Variants in SFI1 observed in about 807,000 individuals in gnomAD.
SFI1 encodes the protein SFI1 centrin binding protein.
Under a neutral mutation model 207.5 loss-of-function variants are expected in SFI1, and 195 were observed. The ratio of observed to expected loss-of-function variants is 0.94; its 90% CI spans 0.84 to 1.06. SFI1 has a LOEUF of 1.06. Ranked by LOEUF, SFI1 falls within the 50% of genes least tolerant of loss-of-function variation. The probability of loss-of-function intolerance (pLI) is 0.00; values close to 1 mark genes in which losing one functional copy is unlikely to be tolerated. For missense variants in SFI1, 1,634 were observed against 1,588.0 expected (o/e 1.03, Z -0.49); for synonymous variants, 630 against 598.9 (o/e 1.05, Z -0.76).
At chr22:31,570,914 C>G (rs2062878777) in intron 8 of SFI1, among the ~76,000 whole-genome samples, 1 of 152,158 alleles carries the variant, frequency 6.6e-6, no homozygotes, top group Non-Finnish European at 1.5e-5. Flanking sequence ...TCAGACACTT[C>G]TGGCAGGTCA....
chr22:31,538,851 A>G (rs1357920434), intron 4 of SFI1, among the ~76,000 whole-genome samples: 1 of 152,110 alleles, frequency 6.6e-6, no homozygotes, highest in Non-Finnish European at 1.5e-5. Flanking sequence ...GCTGCCTCAC[A>G]ACCAAAATCT....
Position 31,611,261 on chromosome 22 carries a change from G to A in SFI1, c.2373G>A (p.Leu791=). The A allele has an allele frequency of 1.2e-6, 2 of 1,612,524 alleles. No homozygotes were observed. Among genetic ancestry groups the A allele is most frequent in the Non-Finnish European group, 1.7e-6 (2 of 1,179,296 alleles). ...ACCGGCAGCTGCTGCTGGAGGGGCT[G>A]GCCCGGTGGAAGACGCACCATCTGC... The part of the protein sequence containing the change: ...HHHRQLLLEG[L]ARWKTHHLQC... Residue 791 remains leucine, a synonymous_variant, in exon 23 of 33, where the codon CTG becomes CTA. Transcript: ENST00000400288.
intron 4 of SFI1, among the ~76,000 whole-genome samples, chr22:31,538,103 C>T (rs979446781): frequency 6.6e-6 from 1 of 152,114 alleles, no homozygotes; most frequent in Non-Finnish European, 1.5e-5. Context: ...TGCCAAGTAG[C>T]TGGGACCACA....
intron 27 of SFI1, chr22:31,614,063 T>C: frequency 1.5e-6 from 1 of 648,916 alleles, no homozygotes; most frequent in Admixed American, 3.1e-5. Context: ...CCAAACCCTC[T>C]CTCCTTTGCC....
At chr22:31,613,034 G>T (rs561815806) in intron 24 of SFI1, 108 bp from the exon 25 acceptor site, 2 of 1,173,346 alleles carry the variant, frequency 1.7e-6, no homozygotes, top group Non-Finnish European at 2.4e-6. Flanking sequence ...GGAAGTGGGA[G>T]CCTCGACTAG....
Position 31,538,999 on chromosome 22 carries a change from C to A in SFI1, c.339-7862C>A, listed in dbSNP as rs140371125. ...CCGAAACTGAAATCGTCATCCTCCC[C>A]CTCTCAGTGAGTGGAAACTCCATCC... is the stretch of plus-strand genomic sequence containing the variant. On this transcript the variant is annotated intron_variant, in intron 4 of 32. Transcript: ENST00000400288. Among the ~76,000 whole-genome samples, 28 of 152,292 alleles carry A rather than the reference C, an allele frequency of 1.8e-4. No homozygotes were observed. In the East Asian group the frequency reaches 5.2e-3, roughly 28 times the overall value.
At chr22:31,529,151 G>A (rs924734478) in intron 3 of SFI1, 1 of 319,184 alleles carries the variant, frequency 3.1e-6, no homozygotes, top group Non-Finnish European at 5.7e-6. Context: ...ACTCTTTTTT[G>A]CTATTCTTTT....
intron 15 of SFI1, among the ~76,000 whole-genome samples, chr22:31,595,220 A>G (rs1032259956): frequency 1.3e-4 from 19 of 151,376 alleles, no homozygotes; most frequent in African/African-American, 4.1e-4. Context: ...CTGGTCTCGA[A>G]CTCCTGACCT....
chr22:31,517,204 C>T (rs2056652923), intron 2 of SFI1, among the ~76,000 whole-genome samples: 1 of 151,838 alleles, frequency 6.6e-6, no homozygotes, highest in South Asian at 2.1e-4. Flanking sequence ...TATGTGTTCT[C>T]TCAGGTTTAA....
chr22:31,527,093 C>T (rs1245207995), intron 2 of SFI1, among the ~76,000 whole-genome samples: 4 of 152,232 alleles, frequency 2.6e-5, no homozygotes, highest in South Asian at 2.1e-4. Flanking sequence ...GACGGGATTT[C>T]GCCATGTTGG....
chr22:31,606,116 A>C, intron 20 of SFI1: 1 of 568,646 alleles, frequency 1.8e-6, no homozygotes, highest in East Asian at 3.0e-5. Context: ...TGGGTCCCTC[A>C]TGCACTCTTG....
At position 31,533,831 on chromosome 22, in the gene SFI1, G is replaced by C. The variant is rs959095629; in HGVS notation, c.338+2702G>C. ...GAATTGATCTAAATTGCTATTGTCA[G>C]AATTCTCTCTTTTTTGTTTAATTTA... On this transcript the variant is annotated intron_variant, in intron 4 of 32. Coordinates refer to ENST00000400288, the MANE Select transcript of SFI1 (RefSeq NM_001007467.3). Among the ~76,000 whole-genome samples the C allele has an allele frequency of 3.4e-5, 3 of 87,696 alleles. No individual in the cohort carries two copies. In the East Asian group the frequency reaches 8.2e-4, roughly 24 times the overall value. The allele number at this position is 87,696 out of a possible 152,430, so 57.5% of individuals were successfully genotyped here. A position where few individuals can be genotyped will look rare whatever the true frequency, so the allele number is the denominator to read the frequency against.
intron 22 of SFI1, among the ~76,000 whole-genome samples, chr22:31,609,220 G>A (rs2069625864): frequency 1.3e-5 from 2 of 152,024 alleles, no homozygotes; most frequent in Non-Finnish European, 2.9e-5. Flanking sequence ...GGATGGTCTC[G>A]ATCTCCTCAC....
chr22:31,613,140 A>G lies in SFI1; in HGVS notation c.2491-2A>G. The G allele has an allele frequency of 6.2e-7, 1 of 1,613,248 alleles. No individual in the cohort carries two copies. Among genetic ancestry groups the G allele is most frequent in the South Asian group, 1.1e-5 (1 of 91,074 alleles). ...GAAATGATCTGGTCTTTCTGGCCCT[A>G]GCTGGCAGCCAGGAGGCAGGAGCAG... On this transcript the variant is annotated splice_acceptor_variant, in intron 24 of 32. Transcript: ENST00000400288. LOFTEE classifies it high-confidence loss of function.
At chr22:31,501,275 C>A (rs2053724162) in intron 1 of SFI1, among the ~76,000 whole-genome samples, 1 of 151,130 alleles carries the variant, frequency 6.6e-6, no homozygotes, top group Non-Finnish European at 1.5e-5. Flanking sequence ...GGGTTCACGC[C>A]ATTCTCCTCC....
At chr22:31,541,149 T>C (rs1165027658) in intron 4 of SFI1, among the ~76,000 whole-genome samples, 1 of 152,206 alleles carries the variant, frequency 6.6e-6, no homozygotes, top group Non-Finnish European at 1.5e-5. Flanking sequence ...CCTCGCCTCC[T>C]GATGCGTCTC....
chr22:31,570,034 T>G (rs529811774), intron 8 of SFI1, among the ~76,000 whole-genome samples: 1 of 151,964 alleles, frequency 6.6e-6, no homozygotes, highest in East Asian at 1.9e-4. Flanking sequence ...GGAAGATTGC[T>G]TAAGCCCAGG....
intron 2 of SFI1, among the ~76,000 whole-genome samples, chr22:31,515,879 A>G (rs922922986): frequency 6.6e-6 from 1 of 151,904 alleles, no homozygotes; most frequent in African/African-American, 2.4e-5. Context: ...CTGGAACTAC[A>G]GTCACGCACC....
intron 22 of SFI1, 74 bp from the exon 23 acceptor site, chr22:31,611,069 C>T: frequency 6.3e-7 from 1 of 1,597,372 alleles, no homozygotes; most frequent in South Asian, 1.1e-5. Flanking sequence ...TCTCTGCTGT[C>T]TGCACCTTCA....
Sources: allele counts gnomAD v4.1 joint callset (sites outside exome capture counted in the v4.1 genomes callset), GRCh38; gene constraint gnomAD v4.1.1; transcripts MANE v1.5; gene names NCBI Gene and HGNC (gene_info 2026-07-23, HGNC 2026-07-21).